The following EFCAB6 variants were observed in gnomAD, a reference collection of about 807,000 sequenced individuals.
EFCAB6 encodes the protein EF-hand calcium binding domain 6, also known as EF-hand calcium-binding domain-containing protein 6.
Under a neutral mutation model 169.8 loss-of-function variants are expected in EFCAB6, and 156 were observed. The observed-to-expected ratio is 0.92, with a 90% CI of 0.81 to 1.05. The LOEUF is 1.05. EFCAB6 is among the 50% of genes least tolerant of loss of function. The pLI, the probability that EFCAB6 is intolerant of heterozygous loss-of-function variation, is 0.00. For synonymous variants in EFCAB6, 698 were observed against 676.4 expected (o/e 1.03, Z -0.50); for missense variants, 1,800 against 1,829.1 (o/e 0.98, Z 0.29).
intron 9 of EFCAB6, among the ~76,000 whole-genome samples, chr22:43,712,905 G>C (rs913111349): frequency 2.0e-5 from 3 of 151,874 alleles, no homozygotes. Flanking sequence ...AATTTTCATT[G>C]TTACTGTTTA....
chr22:43,617,046 C>A (rs1467300688), intron 20 of EFCAB6, among the ~76,000 whole-genome samples: 4 of 152,200 alleles, frequency 2.6e-5, no homozygotes, highest in African/African-American at 7.2e-5. Flanking sequence ...ACTGGTACTA[C>A]AACCTCACCT....
intron 27 of EFCAB6, among the ~76,000 whole-genome samples, chr22:43,547,552 C>A (rs2048131393): frequency 6.7e-6 from 1 of 150,190 alleles, no homozygotes; most frequent in Non-Finnish European, 1.5e-5. Flanking sequence ...CCAGCCTGGG[C>A]AACATGGCAA....
At chr22:43,772,047 G>A (rs946802622) in intron 4 of EFCAB6, among the ~76,000 whole-genome samples, 2 of 151,930 alleles carry the variant, frequency 1.3e-5, no homozygotes, top group African/African-American at 4.8e-5. Flanking sequence ...AATGCCCCTC[G>A]TCCAGAAAGC....
At chr22:43,749,655 G>A (rs552523469) in intron 6 of EFCAB6, among the ~76,000 whole-genome samples, 1 of 152,250 alleles carries the variant, frequency 6.6e-6, no homozygotes, top group Non-Finnish European at 1.5e-5. Flanking sequence ...TTTGCCCACC[G>A]CTCACCTCCT....
chr22:43,687,725 G>T, intron 10 of EFCAB6, 144 bp from the exon 11 acceptor site: 1 of 511,270 alleles, frequency 2.0e-6, no homozygotes, highest in Non-Finnish European at 3.4e-6. Flanking sequence ...AAATCACTTA[G>T]TAAAATAGTA....
At chr22:43,562,667 GAT>G (rs1569162292) in intron 26 of EFCAB6, among the ~76,000 whole-genome samples, 6 of 30,358 alleles carry the variant, frequency 2.0e-4, no homozygotes, top group African/African-American at 9.9e-4. Flanking sequence ...CCCGGTGGGG[GAT>G]GGGAGGGAGG....
chr22:43,534,781 T>C lies in EFCAB6; in HGVS notation c.4140A>G (p.Ala1380=). Residue 1380 remains alanine, a synonymous_variant, in exon 30 of 32, where the codon GCA becomes GCG. Coordinates refer to ENST00000262726, the MANE Select transcript of EFCAB6 (RefSeq NM_022785.4). ...CACAGCTCTGAATGAAGTCACAGTA[T>C]GCAAATTTCCCGTTGCTCTTTAAGT... ...KYDLKSNGKF[A]YCDFIQSCVL... 1 of 1,614,146 alleles carries C rather than the reference T, an allele frequency of 6.2e-7. No homozygotes were observed. Among genetic ancestry groups the C allele is most frequent in the Non-Finnish European group, 8.5e-7 (1 of 1,180,030 alleles).
At chr22:43,784,595 A>ACATACACATATATATATG (rs2061976238) in intron 2 of EFCAB6, among the ~76,000 whole-genome samples, 1 of 67,600 alleles carries the variant, frequency 1.5e-5, no homozygotes, top group African/African-American at 4.4e-5. Context: ...ATATATGTAT[A>ACATACACATATATATATG]TATACACATA....
chr22:43,537,373 G>T lies in EFCAB6; in HGVS notation c.4048+4C>A. The stretch of plus-strand genomic sequence containing the variant: ...ATTACCAAGCAGATAGAATCTGAAC[G>T]AACCCAGGAAATCGGAGGCGTTGAT... On this transcript the variant is annotated splice_donor_region_variant and intron_variant, in intron 29 of 31. Coordinates refer to ENST00000262726, the MANE Select transcript of EFCAB6 (RefSeq NM_022785.4). This position sits in a 1 kb window ranked among gnomAD's most constrained non-coding sequence, Gnocchi z 4.3. 6.2e-7 allele frequency: 1 copy of T among 1,613,876 alleles called. No homozygotes were observed. The highest frequency in any genetic ancestry group is 1.1e-5 in the South Asian group (1 of 91,044).
chr22:43,529,155 C>T (rs2046911812), intron 31 of EFCAB6, among the ~76,000 whole-genome samples, 180 bp from the exon 32 acceptor site: 1 of 152,214 alleles, frequency 6.6e-6, no homozygotes, highest in Non-Finnish European at 1.5e-5. Flanking sequence ...AGGAAGCAGC[C>T]TCCAAGGGCA....
intron 26 of EFCAB6, among the ~76,000 whole-genome samples, chr22:43,563,999 C>G (rs1234703019): frequency 6.6e-6 from 1 of 152,222 alleles, no homozygotes; most frequent in Non-Finnish European, 1.5e-5. Context: ...ATGCCACCAT[C>G]CTCTAGCTGC....
intron 10 of EFCAB6, among the ~76,000 whole-genome samples, chr22:43,696,226 G>A (rs1009426281): frequency 6.6e-6 from 1 of 151,994 alleles, no homozygotes; most frequent in Non-Finnish European, 1.5e-5. Flanking sequence ...TTCATCATCA[G>A]GAAAATGCAA....
chr22:43,611,523 G>A (rs569060412), intron 21 of EFCAB6, among the ~76,000 whole-genome samples: 58 of 152,282 alleles, frequency 3.8e-4, no homozygotes, highest in African/African-American at 1.3e-3. Flanking sequence ...GGGACTAGGC[G>A]TGGTGGCTCA....
chr22:43,757,736 T>A (rs945637075), intron 5 of EFCAB6, among the ~76,000 whole-genome samples: 2 of 152,034 alleles, frequency 1.3e-5, no homozygotes, highest in Non-Finnish European at 2.9e-5. Flanking sequence ...CAGTTCAGCC[T>A]CTCCCTCTGC....
chr22:43,800,927 A>G (rs774508112), intron 2 of EFCAB6, among the ~76,000 whole-genome samples: 8 of 152,234 alleles, frequency 5.3e-5, no homozygotes, highest in Admixed American at 2.6e-4. Flanking sequence ...ATTCAAATAA[A>G]TAATAACAGA....
In EFCAB6 at chr22:43,600,092, G is replaced by A; in HGVS notation, c.2853C>T (p.Ser951=). 1.2e-6 allele frequency: 2 copies of A among 1,613,932 alleles called. No individual in the cohort carries two copies. The highest frequency in any genetic ancestry group is 1.7e-4 in the Middle Eastern group (1 of 6,056). The change falls in exon 23 of 32, where the codon AGC becomes AGT. Residue 951 remains serine (S), a synonymous_variant. Transcript: ENST00000262726. ...ACCTGGCTGCCACAGCCTTCTCTGT[G>A]CTCTGCTGCAGCTCCTTCATCTCTT... ...LQEEMKELQQ[S]TEKAVAARDK...
chr22:43,762,005 T>C (rs2061179173), intron 5 of EFCAB6, among the ~76,000 whole-genome samples: 1 of 152,248 alleles, frequency 6.6e-6, no homozygotes, highest in Admixed American at 6.5e-5. Context: ...CTTGGCACTT[T>C]ATCTCTGGAA....
intron 17 of EFCAB6, among the ~76,000 whole-genome samples, chr22:43,653,434 T>C (rs918489528): frequency 1.8e-4 from 27 of 152,204 alleles, no homozygotes; most frequent in African/African-American, 6.3e-4. Flanking sequence ...AAGAAAATGA[T>C]TGCCAACCTA....
intron 2 of EFCAB6, among the ~76,000 whole-genome samples, chr22:43,807,576 C>T (rs1417964983): frequency 5.3e-5 from 8 of 152,170 alleles, no homozygotes; most frequent in Non-Finnish European, 1.2e-4. Context: ...CATCCATCTG[C>T]CTTGGCATCC....
Sources: allele counts gnomAD v4.1 joint callset (sites outside exome capture counted in the v4.1 genomes callset), GRCh38; gene constraint gnomAD v4.1.1; non-coding constraint Gnocchi (gnomAD v3.1); transcripts MANE v1.5; gene names NCBI Gene and HGNC (gene_info 2026-07-23, HGNC 2026-07-21).